TMEM131: variants seen among roughly 807,000 people sequenced by gnomAD.
TMEM131 encodes the protein transmembrane protein 131.
TMEM131 carries 66 observed loss-of-function variants against 211.6 expected under a neutral mutation model. The ratio of observed to expected loss-of-function variants is 0.31; its 90% CI spans 0.26 to 0.38. TMEM131 has a LOEUF of 0.38. Ranked by LOEUF, TMEM131 falls within the 10% of genes least tolerant of loss-of-function variation. TMEM131 has a pLI of 1.00. For missense variants in TMEM131, 2,036 were observed against 2,299.3 expected (o/e 0.89, Z 2.34); for synonymous variants, 844 against 841.3 (o/e 1.00, Z -0.06).
At chr2:97,850,739 A>G (rs535990566) in intron 5 of TMEM131, among the ~76,000 whole-genome samples, 1 of 152,334 alleles carries the variant, frequency 6.6e-6, no homozygotes, top group South Asian at 2.1e-4. Context: ...CTCTAAAAAA[A>G]GGTGAAAGTT....
intron 22 of TMEM131, among the ~76,000 whole-genome samples, chr2:97,803,776 G>A (rs1226237092): frequency 6.6e-6 from 1 of 152,102 alleles, no homozygotes; most frequent in Non-Finnish European, 1.5e-5. Flanking sequence ...GCTTTTTGTG[G>A]GTAGGAGGTG....
rs748321162 is a variant in TMEM131, at chr2:97,888,102, C to T, written c.309G>A (p.Gly103=). The change falls in exon 4 of 41, where the codon GGG becomes GGA. Residue 103 remains glycine (G), a synonymous_variant. Transcript: ENST00000186436. Reference sequence around the variant, plus strand: ...GCTCAAATCGTATGGGCCTGCAATTCCCCCGGTAGAGAGATATACTGTAAA... The same window carrying T: ...GCTCAAATCGTATGGGCCTGCAATTTCCCCGGTAGAGAGATATACTGTAAA... ...YQQKSISLYR[G]NCRPIRFEPP... 2 of 1,612,858 alleles carry T rather than the reference C, an allele frequency of 1.2e-6. No individual in the cohort carries two copies. Among genetic ancestry groups the T allele is most frequent in the South Asian group, 2.2e-5 (2 of 90,952 alleles).
rs1044108962 is a variant in TMEM131 at position 97,950,571 on chromosome 2, C to T, written c.188-23084G>A. The stretch of plus-strand genomic sequence containing the variant: ...GAGCATCAGGACAGGGTCTCTTTAC[C>T]GGATATTCCCCTTCAGGCAGCAACA... On this transcript the variant is annotated intron_variant, in intron 1 of 40. Coordinates refer to ENST00000186436, the MANE Select transcript of TMEM131 (RefSeq NM_015348.2). Among the ~76,000 whole-genome samples the T allele has an allele frequency of 8.5e-5, 13 of 152,244 alleles. No individual in the cohort carries two copies. The East Asian group carries it at 1.7e-3, about 20-fold the overall frequency.
chr2:97,985,879 C>T (rs571045263), intron 1 of TMEM131, among the ~76,000 whole-genome samples: 4 of 149,882 alleles, frequency 2.7e-5, no homozygotes, highest in South Asian at 4.2e-4. Context: ...GATGGAAGCA[C>T]GGACATAAAA....
At chr2:97,919,627 A>C (rs925785372) in intron 2 of TMEM131, among the ~76,000 whole-genome samples, 30 of 151,986 alleles carry the variant, frequency 2.0e-4, no homozygotes, top group African/African-American at 6.3e-4. Flanking sequence ...CCGGAGTGCA[A>C]TGGCACGATC....
Position 97,927,351 on chromosome 2 carries a change from C to T in TMEM131, c.249+75G>A. On this transcript the variant is annotated intron_variant, in intron 2 of 40. Coordinates refer to ENST00000186436, the MANE Select transcript of TMEM131 (RefSeq NM_015348.2). Reference sequence around the variant, plus strand: ...AAATATATTTCAGATAAACCAATTACATTTTTAAAAGAAAAATAATAACCA... The same window carrying T: ...AAATATATTTCAGATAAACCAATTATATTTTTAAAAGAAAAATAATAACCA... 3 of 1,151,328 alleles carry T rather than the reference C, an allele frequency of 2.6e-6. No homozygotes were observed. The South Asian group carries it at 5.2e-5, about 20-fold the overall frequency. 71.3% of individuals were successfully genotyped at this position (1,151,328 alleles called of 1,614,324 possible).
intron 12 of TMEM131, among the ~76,000 whole-genome samples, 151 bp downstream of exon 12, chr2:97,818,459 ACAG>A (rs1681939777): frequency 7.8e-5 from 1 of 12,780 alleles, no homozygotes; most frequent in African/African-American, 4.6e-4. Flanking sequence ...ATGATGGTTT[ACAG>A]CGGGGGGGGG....
At chr2:97,827,064 TA>T (rs1196253913) in intron 11 of TMEM131, among the ~76,000 whole-genome samples, 1 of 35,612 alleles carries the variant, frequency 2.8e-5, no homozygotes, top group African/African-American at 1.2e-4. Flanking sequence ...CAGTAAGTGA[TA>T]AGCAAAAAAA....
chr2:97,874,431 C>G (rs773788938), intron 4 of TMEM131, among the ~76,000 whole-genome samples: 1 of 152,162 alleles, frequency 6.6e-6, no homozygotes, highest in African/African-American at 2.4e-5. Context: ...GTCAGATTCA[C>G]CAAGGTTGAA....
At chr2:97,822,973 C>T (rs116270746) in intron 11 of TMEM131, among the ~76,000 whole-genome samples, 3,818 of 152,180 alleles carry the variant, frequency 0.025, 167 homozygotes, top group African/African-American at 0.088. Context: ...AAAATGGCCA[C>T]CTGAGGGAAG....
At chr2:97,966,952 C>T (rs564293614) in intron 1 of TMEM131, among the ~76,000 whole-genome samples, 1 of 152,224 alleles carries the variant, frequency 6.6e-6, no homozygotes, top group African/African-American at 2.4e-5. Context: ...GAAGACAAGC[C>T]CTTGCTTTGA....
At chr2:97,769,957 A>G (rs1679388338) in intron 33 of TMEM131, among the ~76,000 whole-genome samples, 1 of 152,178 alleles carries the variant, frequency 6.6e-6, no homozygotes, top group African/African-American at 2.4e-5. Context: ...GTGTGGATGG[A>G]TGGGGCTGAG....
chr2:97,929,189 C>A (rs555543568), intron 1 of TMEM131, among the ~76,000 whole-genome samples: 8 of 151,454 alleles, frequency 5.3e-5, no homozygotes, highest in Non-Finnish European at 8.8e-5. Context: ...GAGAAAACCA[C>A]CCAAATCCTA....
chr2:97,981,028 C>CAAAAAAAAAAAAAAAAAAAAAAAAAAAAA (rs57606185), intron 1 of TMEM131, among the ~76,000 whole-genome samples: 3 of 37,972 alleles, frequency 7.9e-5, no homozygotes, highest in African/African-American at 9.7e-5. Flanking sequence ...AACTACACAC[C>CAAAAAAAAAAAAAAAAAAAAAAAAAAAAA]AAAAAAAAAA....
chr2:97,766,351 G>C, intron 34 of TMEM131, 88 bp from the exon 35 acceptor site: 1 of 1,600,072 alleles, frequency 6.2e-7, no homozygotes, highest in Non-Finnish European at 8.5e-7. Context: ...ATGAGGACAA[G>C]AACACAGCCT....
rs369808469 is a variant in TMEM131 at position 97,908,036 on chromosome 2, GCACCAGAACAGACTTT to G, written c.290+606_290+621del. 5.8e-3 allele frequency among the ~76,000 whole-genome samples: 881 copies of G among 152,182 alleles called. 14 individuals carry two copies. Among genetic ancestry groups the G allele is most frequent in the African/African-American group, 0.02 (841 of 41,524 alleles). ...AAAGAAAGCTCTCTCTCACCTTTAG[GCACCAGAACAGACTTT>G]CACCGCATATAGAAAGAGAATCAGC... On this transcript the variant is annotated intron_variant, in intron 3 of 40. Coordinates refer to ENST00000186436, the MANE Select transcript of TMEM131 (RefSeq NM_015348.2).
intron 4 of TMEM131, among the ~76,000 whole-genome samples, chr2:97,877,933 G>A (rs910402676): frequency 1.3e-5 from 2 of 152,214 alleles, no homozygotes; most frequent in Non-Finnish European, 2.9e-5. Flanking sequence ...TACAGAATGG[G>A]AGAAAAGTTT....
intron 5 of TMEM131, among the ~76,000 whole-genome samples, chr2:97,851,046 G>A (rs745618242): frequency 4.6e-5 from 7 of 151,286 alleles, no homozygotes; most frequent in Non-Finnish European, 8.8e-5. Flanking sequence ...TGAGTTTCTA[G>A]TAATACCACT....
chr2:97,952,025 C>T lies in TMEM131; in HGVS notation c.188-24538G>A, dbSNP rs186991875. The stretch of plus-strand genomic sequence containing the variant: ...TACAAAAATTAGCCAGGTGTGGTGG[C>T]GCACGCCTGTAATCCCAGCTACTTG... On this transcript the variant is annotated intron_variant, in intron 1 of 40. Coordinates refer to ENST00000186436, the MANE Select transcript of TMEM131 (RefSeq NM_015348.2). Among the ~76,000 whole-genome samples the T allele has an allele frequency of 4.5e-4, 69 of 152,068 alleles. 2 individuals are homozygous for T. The East Asian group carries it at 0.011, about 25-fold the overall frequency.
Sources: gnomAD v4.1 joint callset for allele counts (sites outside exome capture counted in the v4.1 genomes callset) on GRCh38, gnomAD v4.1.1 for gene constraint, MANE v1.5 for transcripts, NCBI Gene and HGNC (gene_info 2026-07-23, HGNC 2026-07-21) for gene names.